The following SYNE1 variants were observed in gnomAD, a reference collection of about 807,000 sequenced individuals.
SYNE1 encodes spectrin repeat containing nuclear envelope protein 1.
Under a neutral mutation model 1,111.0 loss-of-function variants are expected in SYNE1, and 616 were observed. That is an observed-to-expected ratio of 0.55 (90% CI 0.52 to 0.59). The LOEUF (loss-of-function observed/expected upper bound fraction) is 0.59, where lower values mean the gene tolerates loss of function less well. SYNE1 is among the 20% of genes least tolerant of loss of function. The pLI is 0.00. For synonymous variants in SYNE1, 3,855 were observed against 3,825.8 expected (o/e 1.01, Z -0.28); for missense variants, 10,006 against 10,417.0 (o/e 0.96, Z 1.72).
At chr6:152,617,622 C>T (rs1302728470) in intron 3 of SYNE1, among the ~76,000 whole-genome samples, 1 of 152,190 alleles carries the variant, frequency 6.6e-6, no homozygotes, top group African/African-American at 2.4e-5. Flanking sequence ...TACTGGATAT[C>T]CGAAGTTGAA....
rs146202926 is a variant in SYNE1, at chr6:152,198,643, T to C, written c.23145+3181A>G. The stretch of plus-strand genomic sequence containing the variant: ...GAACACTCAGAGGCCACTGTATGAA[T>C]TGGCCTAATTTCAATATTGTTGTGT... On this transcript the variant is annotated intron_variant, in intron 127 of 145. Transcript: ENST00000367255. 1.1e-3 allele frequency among the ~76,000 whole-genome samples: 165 copies of C among 152,268 alleles called. 2 individuals carry two copies. The highest frequency in any genetic ancestry group is 3.8e-3 in the African/African-American group (157 of 41,556).
rs573520395 is a variant in SYNE1 at position 152,218,582 on chromosome 6, A to AT, written c.22045-180dup. ...TAACAATTTAAATCTTCTTTATGTA[A>AT]TTTTTCTAAAAACTATAATTATTTC... On this transcript the variant is annotated intron_variant, in intron 120 of 145. Coordinates refer to ENST00000367255, the MANE Select transcript of SYNE1 (RefSeq NM_182961.4). Among the ~76,000 whole-genome samples the AT allele has an allele frequency of 2.5e-3, 377 of 152,270 alleles. 2 individuals carry two copies. The highest frequency in any genetic ancestry group is 8.8e-3 in the African/African-American group (365 of 41,560).
chr6:152,301,440 T>TTAGAAG (rs2095162756), intron 92 of SYNE1, among the ~76,000 whole-genome samples: 2 of 152,258 alleles, frequency 1.3e-5, no homozygotes, highest in African/African-American at 4.8e-5. Flanking sequence ...TAAATTGTAT[T>TTAGAAG]ACACATTTAT....
rs752870996 is a variant in SYNE1 at position 152,293,973 on chromosome 6, G to A, written c.17837C>T (p.Thr5946Ile). 4.3e-6 allele frequency: 7 copies of A among 1,614,090 alleles called. No homozygotes were observed. The South Asian group carries it at 7.7e-5, about 18-fold the overall frequency. Residue 5946 changes from threonine (T) to isoleucine (I), a missense_variant, in exon 94 of 146, where the codon ACC becomes ATC. Transcript: ENST00000367255. ...TTGAAGACTTACCACATTCTTTAAG[G>A]TTTCCCAAGAACGCTGCAAATCACC... ...KLGDLQRSWE[T>I]LKNVISEKQR...
At chr6:152,357,377 T>C (rs945544624) in intron 66 of SYNE1, among the ~76,000 whole-genome samples, 2 of 152,216 alleles carry the variant, frequency 1.3e-5, no homozygotes, top group African/African-American at 2.4e-5. Flanking sequence ...GGTCCCTGAT[T>C]TTCCCACCTT....
Position 152,213,748 on chromosome 6 carries a change from G to T in SYNE1, c.22358C>A (p.Ser7453Ter), listed in dbSNP as rs1226430026. 2 of 1,613,874 alleles carry T rather than the reference G, an allele frequency of 1.2e-6. No individual in the cohort carries two copies. The highest frequency in any genetic ancestry group is 1.1e-5 in the South Asian group (1 of 91,052). Residue 7453 changes from serine (S) to a stop codon, truncating the protein, a stop_gained, in exon 123 of 146, where the codon TCA becomes TAA. Transcript: ENST00000367255. LOFTEE classifies it high-confidence loss of function. ...GAAAGTCTGATGTTGTAGCAAAAAT[G>T]ACTGCAACTTGCTGAAAGAACAAAG... The part of the protein sequence containing the change: ...QTTERFSKLQ[S>*]FLLQHQTFLE...
intron 56 of SYNE1, among the ~76,000 whole-genome samples, chr6:152,377,623 AAAAAAAAAAAAAAAAAAATATATAT>A (rs1396198925): frequency 2.7e-4 from 28 of 103,858 alleles, no homozygotes; most frequent in African/African-American, 1.2e-3. Context: ...AAAAAAAAAA[AAAAAAAAAAAAAAAAAAATATATAT>A]ATATATATAT....
At chr6:152,629,043 A>C (rs757852059) in intron 2 of SYNE1, among the ~76,000 whole-genome samples, 33 of 152,228 alleles carry the variant, frequency 2.2e-4, no homozygotes, top group Non-Finnish European at 4.1e-4. Flanking sequence ...TGTAAAAACC[A>C]TTTAATTCTA....
intron 62 of SYNE1, among the ~76,000 whole-genome samples, chr6:152,365,893 C>A (rs2097067518): frequency 6.6e-6 from 1 of 152,238 alleles, no homozygotes; most frequent in African/African-American, 2.4e-5. Context: ...CCAGTTTCTG[C>A]TGTGGCAATA....
chr6:152,247,502 A>G (rs1437370161), intron 105 of SYNE1, among the ~76,000 whole-genome samples: 2 of 152,032 alleles, frequency 1.3e-5, no homozygotes, highest in South Asian at 2.1e-4. Context: ...AAGCCAAGAA[A>G]AAAAACAAAA....
intron 4 of SYNE1, among the ~76,000 whole-genome samples, chr6:152,526,664 C>T (rs1193182886): frequency 6.6e-6 from 1 of 152,202 alleles, no homozygotes; most frequent in Non-Finnish European, 1.5e-5. Flanking sequence ...AGCTCAGTGA[C>T]CTGCTAGAGG....
intron 125 of SYNE1, 102 bp from the exon 126 acceptor site, chr6:152,206,464 C>A: frequency 7.7e-7 from 1 of 1,290,606 alleles, no homozygotes. Context: ...TTTCATCCAG[C>A]AAGCATTTAC....
intron 138 of SYNE1, among the ~76,000 whole-genome samples, chr6:152,141,895 C>A (rs2058616733): frequency 6.6e-6 from 1 of 152,080 alleles, no homozygotes; most frequent in African/African-American, 2.4e-5. Flanking sequence ...CATAGCAAGA[C>A]CCTGTCTCTA....
rs150551037 is a variant in SYNE1, at chr6:152,382,207, T to C, written c.8653-845A>G. ...ATCATCCGATGTTTATATATTTACA[T>C]ATCTATTGCTAAAGGCAGGATTTTG... is the stretch of plus-strand genomic sequence containing the variant. On this transcript the variant is annotated intron_variant, in intron 55 of 145. Transcript: ENST00000367255. Among the ~76,000 whole-genome samples, 1,267 of 152,320 alleles carry C rather than the reference T, an allele frequency of 8.3e-3. 22 individuals are homozygous for C. The highest frequency in any genetic ancestry group is 0.029 in the African/African-American group (1,212 of 41,586).
intron 33 of SYNE1, chr6:152,435,383 T>C (rs1023004478): frequency 2.0e-5 from 3 of 151,970 alleles, no homozygotes; most frequent in African/African-American, 7.2e-5. Flanking sequence ...CAAGCAGTTT[T>C]TTTTTTTCAG....
At chr6:152,392,803 A>G (rs2097666556) in intron 51 of SYNE1, among the ~76,000 whole-genome samples, 1 of 152,258 alleles carries the variant, frequency 6.6e-6, no homozygotes, top group South Asian at 2.1e-4. Context: ...TAATAATTCA[A>G]GAAAAGAGAT....
intron 4 of SYNE1, among the ~76,000 whole-genome samples, chr6:152,533,050 G>A (rs565314809): frequency 3.5e-4 from 53 of 152,274 alleles, no homozygotes; most frequent in African/African-American, 1.3e-3. Context: ...ACTGACAGTA[G>A]TCAAATAAAA....
At chr6:152,252,876 T>G (rs1267861978) in intron 104 of SYNE1, among the ~76,000 whole-genome samples, 4 of 152,194 alleles carry the variant, frequency 2.6e-5, no homozygotes, top group African/African-American at 9.7e-5. Flanking sequence ...CAAAGTAAGT[T>G]CCAGAGCATT....
intron 95 of SYNE1, among the ~76,000 whole-genome samples, chr6:152,288,744 C>T (rs2094450637): frequency 6.6e-6 from 1 of 152,126 alleles, no homozygotes; most frequent in African/African-American, 2.4e-5. Flanking sequence ...CAAGGTTTCA[C>T]CATGTTGGCC....
Sources: allele counts gnomAD v4.1 joint callset (sites outside exome capture counted in the v4.1 genomes callset), GRCh38; gene constraint gnomAD v4.1.1; transcripts MANE v1.5; gene names NCBI Gene and HGNC (gene_info 2026-07-23, HGNC 2026-07-21).